TENM2: variants seen among roughly 807,000 people sequenced by gnomAD.
TENM2 encodes teneurin transmembrane protein 2.
In TENM2, 52 loss-of-function variants were observed where a neutral mutation model predicts 245.2. That is an observed-to-expected ratio of 0.21 (90% CI 0.17 to 0.27). TENM2 has a LOEUF of 0.27. Among genes scored for constraint, TENM2 ranks in the 10% least tolerant of loss-of-function variants. The pLI is 1.00. For synonymous variants in TENM2, 1,363 were observed against 1,438.9 expected (o/e 0.95, Z 1.19); for missense variants, 3,046 against 3,666.8 (o/e 0.83, Z 4.37).
chr5:167,986,459 G>T (rs73801480), intron 4 of TENM2, among the ~76,000 whole-genome samples: 1 of 152,072 alleles, frequency 6.6e-6, no homozygotes, highest in African/African-American at 2.4e-5. Context: ...CCCATCCCCC[G>T]CATGACATGA....
chr5:168,041,358 A>G (rs752607951), intron 5 of TENM2, among the ~76,000 whole-genome samples: 2 of 152,154 alleles, frequency 1.3e-5, no homozygotes, highest in Non-Finnish European at 2.9e-5. Flanking sequence ...ATCCAGTGTC[A>G]TCCCTTCTCT....
At chr5:167,784,648 G>A (rs1420564474) in intron 2 of TENM2, among the ~76,000 whole-genome samples, 2 of 152,102 alleles carry the variant, frequency 1.3e-5, no homozygotes, top group Non-Finnish European at 2.9e-5. Context: ...TTGGGTGCCA[G>A]GTATATAAAA....
the TENM2 span, among the ~76,000 whole-genome samples, chr5:167,135,089 T>C: frequency 1.3e-5 from 2 of 152,174 alleles, no homozygotes; most frequent in Non-Finnish European, 1.5e-5. Context: ...TAGCTAAAAC[T>C]GTTTAGAGGC....
At chr5:167,310,731 T>C (rs1055084663) in intron 1 of TENM2, among the ~76,000 whole-genome samples, 2 of 152,224 alleles carry the variant, frequency 1.3e-5, no homozygotes, top group Non-Finnish European at 2.9e-5. Flanking sequence ...CTGAGAGATA[T>C]ACACCAGGCT....
intron 12 of TENM2, among the ~76,000 whole-genome samples, chr5:168,146,380 T>C (rs17069944): frequency 0.028 from 4,316 of 152,176 alleles, 199 homozygotes; most frequent in African/African-American, 0.096. Context: ...GAAGAGATGA[T>C]AGATTGATCC....
intron 7 of TENM2, among the ~76,000 whole-genome samples, chr5:168,068,219 A>G (rs1413715120): frequency 6.6e-6 from 1 of 152,106 alleles, no homozygotes; most frequent in Non-Finnish European, 1.5e-5. Flanking sequence ...GGTGCACAGG[A>G]GGGCACCATG....
intron 1 of TENM2, among the ~76,000 whole-genome samples, chr5:167,338,552 T>C (rs1757910008): frequency 1.3e-5 from 2 of 152,212 alleles, no homozygotes; most frequent in South Asian, 4.1e-4. Context: ...CCCTTGCTGG[T>C]ATTTCATTGG....
chr5:167,694,518 A>G (rs903977364), intron 2 of TENM2, among the ~76,000 whole-genome samples: 1 of 152,174 alleles, frequency 6.6e-6, no homozygotes, highest in Non-Finnish European at 1.5e-5. Context: ...CTGCTTTTAC[A>G]TAGTAATTAA....
intron 2 of TENM2, among the ~76,000 whole-genome samples, chr5:167,704,130 C>T (rs938240317): frequency 6.6e-6 from 1 of 152,118 alleles, no homozygotes; most frequent in Non-Finnish European, 1.5e-5. Flanking sequence ...GATTACCTTG[C>T]TTAAAGCTTT....
intron 2 of TENM2, among the ~76,000 whole-genome samples, chr5:167,527,449 T>G (rs1771198181): frequency 6.6e-6 from 1 of 152,108 alleles, no homozygotes; most frequent in Non-Finnish European, 1.5e-5. Context: ...ATTTTACTCC[T>G]CATGTGTTGC....
chr5:168,036,689 A>ATATATATATATATGTATGTG, intron 5 of TENM2, among the ~76,000 whole-genome samples: 1 of 117,778 alleles, frequency 8.5e-6, no homozygotes, highest in African/African-American at 4.1e-5. Flanking sequence ...ATATATATAT[A>ATATATATATATATGTATGTG]TATATATATA....
chr5:168,121,701 CTA>C (rs1795478305), intron 10 of TENM2, among the ~76,000 whole-genome samples: 2 of 150,448 alleles, frequency 1.3e-5, no homozygotes, highest in African/African-American at 4.9e-5. Flanking sequence ...TTTCATCCTT[CTA>C]AGAAAAAGAT....
chr5:168,033,613 A>G (rs1248293889), intron 5 of TENM2, among the ~76,000 whole-genome samples: 1 of 152,178 alleles, frequency 6.6e-6, no homozygotes, highest in East Asian at 1.9e-4. Flanking sequence ...CTTTCATTCA[A>G]ATAAATAGTT....
intron 2 of TENM2, among the ~76,000 whole-genome samples, chr5:167,462,509 T>C (rs1766379125): frequency 6.6e-6 from 1 of 152,052 alleles, no homozygotes; most frequent in African/African-American, 2.4e-5. Context: ...GGATGGTGAA[T>C]GTGGGGAATA....
chr5:167,997,286 TTTCTCAC>T (rs1784122040), intron 5 of TENM2, among the ~76,000 whole-genome samples: 1 of 152,144 alleles, frequency 6.6e-6, no homozygotes, highest in Admixed American at 6.5e-5. Context: ...AGTTAACCAG[TTTCTCAC>T]ATACTGTATG....
At chr5:168,102,365 G>A (rs1276855390) in intron 9 of TENM2, among the ~76,000 whole-genome samples, 2 of 152,134 alleles carry the variant, frequency 1.3e-5, no homozygotes, top group South Asian at 2.1e-4. Context: ...GAGCCACCTC[G>A]CCCAGCGATA....
chr5:167,643,622 C>T (rs1779746164), intron 2 of TENM2, among the ~76,000 whole-genome samples: 1 of 152,322 alleles, frequency 6.6e-6, no homozygotes, highest in East Asian at 1.9e-4. Context: ...CTCTGGATCA[C>T]ACAGGAACAC....
At chr5:167,231,707 G>A in the TENM2 span, among the ~76,000 whole-genome samples, 6 of 152,202 alleles carry the variant, frequency 3.9e-5, no homozygotes, top group Non-Finnish European at 7.3e-5. Flanking sequence ...TGACAATGCA[G>A]TAGAAAAGAA....
intron 6 of TENM2, among the ~76,000 whole-genome samples, chr5:168,049,442 T>C (rs1581161931): frequency 6.6e-6 from 1 of 152,210 alleles, no homozygotes; most frequent in South Asian, 2.1e-4. Context: ...CATTCTGAAA[T>C]TATATGCCAA....
Sources: gnomAD v4.1 joint callset for allele counts (sites outside exome capture counted in the v4.1 genomes callset) on GRCh38, gnomAD v4.1.1 for gene constraint, MANE v1.5 for transcripts, NCBI Gene and HGNC (gene_info 2026-07-23, HGNC 2026-07-21) for gene names.